Variants in RUNX1 observed in about 807,000 individuals in gnomAD.
The protein encoded by RUNX1 is RUNX family transcription factor 1, also known as runt-related transcription factor 1.
Under a neutral mutation model 42.8 loss-of-function variants are expected in RUNX1, and 19 were observed. That is an observed-to-expected ratio of 0.44 (90% confidence interval 0.31 to 0.65). The LOEUF (loss-of-function observed/expected upper bound fraction) is 0.65. RUNX1 is among the 30% of genes least tolerant of loss of function. RUNX1 has a pLI of 0.07. For synonymous variants in RUNX1, 271 were observed against 289.4 expected (o/e 0.94, Z 0.64); for missense variants, 528 against 672.0 (o/e 0.79, Z 2.37).
chr21:34,920,610 C>A (rs573151998), intron 2 of RUNX1, among the ~76,000 whole-genome samples: 3 of 152,238 alleles, frequency 2.0e-5, no homozygotes, highest in East Asian at 3.9e-4. Flanking sequence ...TGTTAAGGAA[C>A]TTTTCAGTTC....
At chr21:34,794,482 G>A (rs937579539) in intron 8 of RUNX1, among the ~76,000 whole-genome samples, 2 of 152,188 alleles carry the variant, frequency 1.3e-5, no homozygotes, top group African/African-American at 4.8e-5. Flanking sequence ...AGTAGATGTA[G>A]GACCTTGATT....
At chr21:34,971,570 C>T (rs777949450) in intron 2 of RUNX1, among the ~76,000 whole-genome samples, 5 of 152,114 alleles carry the variant, frequency 3.3e-5, no homozygotes, top group Non-Finnish European at 7.4e-5. Flanking sequence ...CTTATCCACC[C>T]ACCCTTCCAT....
intron 8 of RUNX1, among the ~76,000 whole-genome samples, chr21:34,797,276 T>G (rs549983158): frequency 1.4e-4 from 21 of 152,364 alleles, no homozygotes; most frequent in African/African-American, 4.8e-4. Context: ...CACACTCCCA[T>G]GCCATAAAAT....
At chr21:34,970,658 C>A (rs1357920251) in intron 2 of RUNX1, among the ~76,000 whole-genome samples, 1 of 152,154 alleles carries the variant, frequency 6.6e-6, no homozygotes, top group Non-Finnish European at 1.5e-5. Flanking sequence ...TTAATGTGTG[C>A]ATATTATTCT....
intron 5 of RUNX1, among the ~76,000 whole-genome samples, chr21:34,872,698 G>A (rs2057757509): frequency 6.6e-6 from 1 of 152,170 alleles, no homozygotes; most frequent in Non-Finnish European, 1.5e-5. Context: ...ACTGGAGCTA[G>A]ATGAGTTTCT....
chr21:34,981,278 A>G (rs1481161997), intron 2 of RUNX1, among the ~76,000 whole-genome samples: 1 of 152,194 alleles, frequency 6.6e-6, no homozygotes, highest in Non-Finnish European at 1.5e-5. Flanking sequence ...GAAACCTGGG[A>G]CACACACTTA....
At chr21:35,033,995 T>C (rs1317235857) in intron 2 of RUNX1, among the ~76,000 whole-genome samples, 2 of 152,244 alleles carry the variant, frequency 1.3e-5, no homozygotes, top group Non-Finnish European at 2.9e-5. Context: ...GACACGAAGA[T>C]AACTTATTTT....
intron 2 of RUNX1, among the ~76,000 whole-genome samples, chr21:34,965,620 ATGTCCT>A (rs561217828): frequency 4.1e-4 from 63 of 152,336 alleles, no homozygotes; most frequent in African/African-American, 1.4e-3. Flanking sequence ...AAAGAACTGC[ATGTCCT>A]TGTTTACTTT....
Position 34,871,217 on chromosome 21 carries a change from C to A in RUNX1, c.508+9340G>T, listed in dbSNP as rs575544356. 3.3e-5 allele frequency among the ~76,000 whole-genome samples: 5 copies of A among 152,310 alleles called. No homozygotes were observed. The East Asian group carries it at 9.6e-4, about 29-fold the overall frequency. On this transcript the variant is annotated intron_variant, in intron 5 of 8. Transcript: ENST00000675419. ...GTTTTCAAGCTTTTTCCCCAGTGAC[C>A]TTCTCTCTAGAGCACACCTACAGCA...
rs2056676015 is a variant in RUNX1 at position 34,806,111 on chromosome 21, A to G, written c.806-6649T>C. The stretch of plus-strand genomic sequence containing the variant: ...TGCAACAAATATAAAAGTTATAAAT[A>G]TGATTGATACTACTGCAGTTATATT... On this transcript the variant is annotated intron_variant, in intron 7 of 8. Transcript: ENST00000675419. Among the ~76,000 whole-genome samples the G allele has an allele frequency of 2.0e-5, 3 of 152,330 alleles. No homozygotes were observed. In the South Asian group the frequency reaches 6.2e-4, roughly 32 times the overall value.
chr21:34,889,782 G>A (rs1369063486), intron 3 of RUNX1: 1 of 1,142,426 alleles, frequency 8.8e-7, no homozygotes, highest in Admixed American at 5.3e-5. Context: ...GGCGTGCGCT[G>A]CCAACTCCGA....
chr21:35,027,781 T>C (rs2059247640), intron 2 of RUNX1, among the ~76,000 whole-genome samples: 1 of 152,146 alleles, frequency 6.6e-6, no homozygotes, highest in African/African-American at 2.4e-5. Flanking sequence ...AATGAAACAT[T>C]TGCATCTTGC....
intron 2 of RUNX1, among the ~76,000 whole-genome samples, chr21:34,970,068 T>C (rs2146743848): frequency 6.6e-6 from 1 of 152,384 alleles, no homozygotes; most frequent in East Asian, 1.9e-4. Context: ...ATAATTACTT[T>C]ATGAACACAC....
intron 6 of RUNX1, among the ~76,000 whole-genome samples, chr21:34,849,393 ATATATTATACTATATATAATATAT>A (rs2057378097): frequency 4.4e-5 from 2 of 45,788 alleles, no homozygotes; most frequent in Admixed American, 9.0e-4. Context: ...AGTATATATA[ATATATTATACTATATATAATATAT>A]TATATAGTAT....
intron 6 of RUNX1, among the ~76,000 whole-genome samples, chr21:34,834,966 C>A (rs1310523870): frequency 6.6e-6 from 1 of 152,194 alleles, no homozygotes; most frequent in Non-Finnish European, 1.5e-5. Flanking sequence ...TGGCCACATG[C>A]CAGGGGCTAT....
chr21:35,025,449 G>C (rs1411794931), intron 2 of RUNX1, among the ~76,000 whole-genome samples: 1 of 152,186 alleles, frequency 6.6e-6, no homozygotes, highest in Non-Finnish European at 1.5e-5. Flanking sequence ...CCAGATTCAA[G>C]AGAGAGCCAA....
intron 2 of RUNX1, among the ~76,000 whole-genome samples, chr21:34,906,647 A>G (rs1405802129): frequency 1.3e-5 from 2 of 152,212 alleles, no homozygotes; most frequent in Non-Finnish European, 2.9e-5. Context: ...TTTGAATTAC[A>G]TGCATTTAAA....
chr21:34,906,022 T>A (rs2058215347), intron 2 of RUNX1, among the ~76,000 whole-genome samples: 1 of 152,244 alleles, frequency 6.6e-6, no homozygotes, highest in African/African-American at 2.4e-5. Flanking sequence ...TATTTTGCTA[T>A]GAACAAAAGG....
chr21:34,875,842 G>A (rs2057806047), intron 5 of RUNX1, among the ~76,000 whole-genome samples: 1 of 152,080 alleles, frequency 6.6e-6, no homozygotes, highest in African/African-American at 2.4e-5. Flanking sequence ...CTCACCTGAA[G>A]GGCAACCTCC....
Sources: allele counts gnomAD v4.1 joint callset (sites outside exome capture counted in the v4.1 genomes callset), GRCh38; gene constraint gnomAD v4.1.1; transcripts MANE v1.5; gene names NCBI Gene and HGNC (gene_info 2026-07-23, HGNC 2026-07-21).